NRBF2: variants seen among roughly 807,000 people sequenced by gnomAD.
NRBF2 encodes nuclear receptor binding factor 2.
NRBF2 carries 12 observed loss-of-function variants against 28.5 expected under a neutral mutation model. That is an observed-to-expected ratio of 0.42 (90% CI 0.27 to 0.68). The LOEUF (loss-of-function observed/expected upper bound fraction) is 0.68, where lower values mean the gene tolerates loss of function less well. Among genes scored for constraint, NRBF2 ranks in the 30% least tolerant of loss-of-function variants. The pLI is 0.24. For synonymous variants in NRBF2, 102 were observed against 116.5 expected, an observed-to-expected ratio of 0.88 and a Z score of 0.80; for missense variants, 274 against 333.5, an observed-to-expected ratio of 0.82 and a Z score of 1.39.
In NRBF2 at chr10:63,153,818, G is replaced by A. The variant is rs1270464290; in HGVS notation, c.464G>A (p.Cys155Tyr). The stretch of plus-strand genomic sequence containing the variant: ...CAAAAGAGTGAGCCAGCAGAGCCAT[G>A]TATTGGAAGCAAAGCCCCAAAAGAT... ...LQQKSEPAEP[C>Y]IGSKAPKDDK... Residue 155 changes from cysteine (C) to tyrosine (Y), a missense_variant, in exon 4 of 4, where the codon TGT becomes TAT. By Grantham distance (194) the Cys-to-Tyr change is radical (BLOSUM62 -2). Transcript: ENST00000277746. 3 of 1,612,866 alleles carry A rather than the reference G, an allele frequency of 1.9e-6. No individual in the cohort carries two copies. Among genetic ancestry groups the A allele is most frequent in the Admixed American group, 1.7e-5 (1 of 60,000 alleles).
intron 2 of NRBF2, among the ~76,000 whole-genome samples, chr10:63,149,071 G>A (rs1841607304): frequency 6.6e-6 from 1 of 152,142 alleles, no homozygotes; most frequent in African/African-American, 2.4e-5. Context: ...GTATGCGTTG[G>A]GACCAGTTTA....
chr10:63,151,119 C>T (rs930353156), intron 2 of NRBF2, among the ~76,000 whole-genome samples: 1 of 152,148 alleles, frequency 6.6e-6, no homozygotes, highest in African/African-American at 2.4e-5. Flanking sequence ...GTGGTAGAAC[C>T]TAGCAGGCAA....
chr10:63,137,592 A>G (rs1841394949), intron 1 of NRBF2, among the ~76,000 whole-genome samples: 2 of 152,342 alleles, frequency 1.3e-5, no homozygotes, highest in South Asian at 4.1e-4. Context: ...GCTTCCCTCC[A>G]GAGTGGTCAG....
rs572206483 is a variant in NRBF2, at chr10:63,154,214, A to T, written c.860A>T (p.Asn287Ile). Reference protein sequence around the residue: ...SEDILKGFMNN With the variant: ...SEDILKGFMNI Reference sequence around the variant, plus strand: ...GATATTCTGAAAGGATTTATGAATAATTAAAATGGAAGGCCACAGAAAAGG... The same window carrying T: ...GATATTCTGAAAGGATTTATGAATATTTAAAATGGAAGGCCACAGAAAAGG... Residue 287 changes from asparagine (N) to isoleucine (I), a missense_variant, in exon 4 of 4, where the codon AAT becomes ATT. Physicochemically the swap from Asn to Ile is moderately radical, Grantham distance 149. Transcript: ENST00000277746. 13 of 1,547,264 alleles carry T rather than the reference A, an allele frequency of 8.4e-6. 1 individual carries two copies. The South Asian group carries it at 1.5e-4, about 18-fold the overall frequency.
intron 2 of NRBF2, among the ~76,000 whole-genome samples, chr10:63,149,365 G>T (rs566828096): frequency 6.6e-6 from 1 of 152,146 alleles, no homozygotes; most frequent in Non-Finnish European, 1.5e-5. Flanking sequence ...CACTGTGCCC[G>T]GCCCAATGTT....
chr10:63,136,906 A>G (rs989493768), intron 1 of NRBF2, among the ~76,000 whole-genome samples: 1 of 152,218 alleles, frequency 6.6e-6, no homozygotes, highest in Non-Finnish European at 1.5e-5. Context: ...CACAGAGGTA[A>G]TGGATTCTAA....
intron 2 of NRBF2, among the ~76,000 whole-genome samples, chr10:63,151,768 G>A (rs1841653388): frequency 6.6e-6 from 1 of 152,128 alleles, no homozygotes. Flanking sequence ...TAGATTCCAG[G>A]TATTCAGACG....
At chr10:63,149,353 G>A (rs1841611034) in intron 2 of NRBF2, among the ~76,000 whole-genome samples, 1 of 152,230 alleles carries the variant, frequency 6.6e-6, no homozygotes, top group South Asian at 2.1e-4. Context: ...ACAGGCGTGA[G>A]CCACTGTGCC....
chr10:63,149,483 C>T (rs544351103), intron 2 of NRBF2, among the ~76,000 whole-genome samples: 11 of 152,244 alleles, frequency 7.2e-5, no homozygotes, highest in South Asian at 2.1e-4. Context: ...AGTAGTTTAA[C>T]GAGGATTGTT....
chr10:63,151,462 AT>A (rs2132695723), intron 2 of NRBF2, among the ~76,000 whole-genome samples: 1 of 152,338 alleles, frequency 6.6e-6, no homozygotes, highest in African/African-American at 2.4e-5. Flanking sequence ...AGTTCACAAA[AT>A]GTACCATTAG....
Position 63,154,270 on chromosome 10 carries a change from A to C in NRBF2, c.*52A>C. 8.6e-7 allele frequency: 1 copy of C among 1,168,262 alleles called. No homozygotes were observed. The highest frequency in any genetic ancestry group is 1.5e-5 in the South Asian group (1 of 68,560). 72.4% of individuals were successfully genotyped at this position (1,168,262 alleles called of 1,614,324 possible). On this transcript the variant is annotated 3_prime_UTR_variant, in exon 4 of 4. Coordinates refer to ENST00000277746, the MANE Select transcript of NRBF2 (RefSeq NM_030759.5). The stretch of plus-strand genomic sequence containing the variant: ...AGAGGAAATAATACAGTAATCGTTA[A>C]TCCAGCAAAAAGAAATGAAAAGGGA...
intron 2 of NRBF2, among the ~76,000 whole-genome samples, chr10:63,149,891 G>T (rs574472853): frequency 1.2e-4 from 18 of 151,910 alleles, no homozygotes; most frequent in Middle Eastern, 3.2e-3. Context: ...CTAAGAAAAT[G>T]TGTCTACAGT....
intron 1 of NRBF2, among the ~76,000 whole-genome samples, chr10:63,145,309 C>T (rs1841541819): frequency 6.6e-6 from 1 of 151,866 alleles, no homozygotes; most frequent in South Asian, 2.1e-4. Flanking sequence ...CTCCTGACCT[C>T]ATGATCTGCC....
chr10:63,144,137 T>C (rs777335418), intron 1 of NRBF2, among the ~76,000 whole-genome samples: 4 of 152,170 alleles, frequency 2.6e-5, no homozygotes, highest in Non-Finnish European at 5.9e-5. Flanking sequence ...AGTTTAGTAG[T>C]GTTAAGTATA....
intron 1 of NRBF2, among the ~76,000 whole-genome samples, chr10:63,142,776 C>CTTTTTTT (rs1202067005): frequency 3.8e-5 from 1 of 26,498 alleles, no homozygotes; most frequent in African/African-American, 1.4e-4. Context: ...TTCTTTCTTT[C>CTTTTTTT]TTTCTTTTTT....
In NRBF2 at chr10:63,154,074, C is replaced by T. The variant is rs753236430; in HGVS notation, c.720C>T (p.Ser240=). The change falls in exon 4 of 4, where the codon TCC becomes TCT. Residue 240 remains serine (S), a synonymous_variant. Transcript: ENST00000277746. ...LPPHAETATA[S]STWQKFAANT... ...CACATGCAGAAACTGCTACAGCCTC[C>T]TCAACCTGGCAGAAGTTCGCAGCAA... 6.2e-7 allele frequency: 1 copy of T among 1,613,786 alleles called. No individual in the cohort carries two copies. The highest frequency in any genetic ancestry group is 1.1e-5 in the South Asian group (1 of 91,074).
rs368039646 is a variant in NRBF2, at chr10:63,146,236, C to G, written c.58C>G (p.Arg20Gly). 6.8e-6 allele frequency: 11 copies of G among 1,611,850 alleles called. No homozygotes were observed. The highest frequency in any genetic ancestry group is 1.7e-5 in the Admixed American group (1 of 59,866). Residue 20 changes from arginine (R) to glycine (G), a missense_variant, in exon 2 of 4, where the codon CGT becomes GGT. Transcript: ENST00000277746. ...LAHQQSRRAD[R>G]LLAAGKYEEA... ...TCATCAACAGAGCAGACGAGCAGAC[C>G]GTTTATTAGCTGCAGGCAAATACGA... is the stretch of plus-strand genomic sequence containing the variant.
intron 1 of NRBF2, among the ~76,000 whole-genome samples, chr10:63,140,842 A>G (rs927158276): frequency 6.6e-6 from 1 of 152,010 alleles, no homozygotes; most frequent in Non-Finnish European, 1.5e-5. Context: ...CTGGGACTAC[A>G]GGTGGGCGCC....
chr10:63,144,301 T>C (rs1380840721), intron 1 of NRBF2, among the ~76,000 whole-genome samples: 1 of 152,182 alleles, frequency 6.6e-6, no homozygotes, highest in South Asian at 2.1e-4. Context: ...TTGACTACTT[T>C]AGATACCCAA....
Sources: allele counts gnomAD v4.1 joint callset (sites outside exome capture counted in the v4.1 genomes callset), GRCh38; gene constraint gnomAD v4.1.1; transcripts MANE v1.5; gene names NCBI Gene and HGNC (gene_info 2026-07-23, HGNC 2026-07-21).